TEKTL1: variants seen among roughly 807,000 people sequenced by gnomAD.
TEKTL1 encodes tektin-like protein 1.
the TEKTL1 span, among the ~76,000 whole-genome samples, chr19:15,012,595 G>A: frequency 3.3e-5 from 5 of 152,064 alleles, no homozygotes; most frequent in African/African-American, 1.2e-4. Flanking sequence ...ACAGGCCCAG[G>A]AAGAGATGCC....
the TEKTL1 span, chr19:15,023,000 GTGCGCC>G: frequency 5.0e-6 from 8 of 1,612,952 alleles, no homozygotes; most frequent in Non-Finnish European, 6.8e-6. Flanking sequence ...CGGCAACGTG[GTGCGCC>G]TGCGCCTGCG....
the TEKTL1 span, chr19:15,020,605 C>A: frequency 6.2e-7 from 1 of 1,614,124 alleles, no homozygotes; most frequent in Non-Finnish European, 8.5e-7. Context: ...CCCCACTCCA[C>A]GCACACAGGG....
chr19:15,023,206 C>G, the TEKTL1 span: 1 of 1,221,048 alleles, frequency 8.2e-7, no homozygotes, highest in South Asian at 1.5e-5. Flanking sequence ...CCCTCCCTCT[C>G]CCCTGACGCA....
At chr19:15,011,426 C>CT in the TEKTL1 span, 12 of 1,399,404 alleles carry the variant, frequency 8.6e-6, no homozygotes, top group African/African-American at 1.8e-4. Flanking sequence ...CAACCCCAGC[C>CT]TAACTGCAAA....
chr19:15,021,774 T>C, the TEKTL1 span: 57 of 1,611,718 alleles, frequency 3.5e-5, no homozygotes, highest in Non-Finnish European at 4.6e-5. Context: ...GGAGGCTGGG[T>C]TTCAATGCGC....
the TEKTL1 span, chr19:15,011,452 T>C: frequency 7.5e-7 from 1 of 1,338,750 alleles, no homozygotes; most frequent in Non-Finnish European, 9.7e-7. Context: ...AGGCCTCCGC[T>C]ATGCGGTGTC....
At chr19:15,022,572 G>A in the TEKTL1 span, among the ~76,000 whole-genome samples, 3 of 151,872 alleles carry the variant, frequency 2.0e-5, no homozygotes, top group Admixed American at 2.0e-4. Context: ...CAGGTGATCC[G>A]CCCGCCTCGG....
chr19:15,011,693 CATTGCACTCCAG>C, the TEKTL1 span, among the ~76,000 whole-genome samples: 1 of 147,062 alleles, frequency 6.8e-6, no homozygotes, highest in African/African-American at 2.5e-5. Context: ...GAGATCGTGC[CATTGCACTCCAG>C]CCTGGGCAAC....
the TEKTL1 span, among the ~76,000 whole-genome samples, chr19:15,018,715 A>ATATATATATATATATATAT: frequency 2.8e-4 from 19 of 68,294 alleles, no homozygotes; most frequent in East Asian, 7.8e-4. Flanking sequence ...CCTATCTCAA[A>ATATATATATATATATATAT]ATATGTATAT....
chr19:15,013,934 G>A, the TEKTL1 span, among the ~76,000 whole-genome samples: 641 of 152,208 alleles, frequency 4.2e-3, 3 homozygotes, highest in South Asian at 0.015. Flanking sequence ...TGGAAAAAGG[G>A]AGGTCATGGG....
At chr19:15,018,715 A>AAAATATAT in the TEKTL1 span, among the ~76,000 whole-genome samples, 2 of 68,252 alleles carry the variant, frequency 2.9e-5, no homozygotes, top group African/African-American at 8.4e-5. Flanking sequence ...CCTATCTCAA[A>AAAATATAT]ATATGTATAT....
chr19:15,010,867 A>C, the TEKTL1 span: 1 of 1,555,466 alleles, frequency 6.4e-7, no homozygotes, highest in Non-Finnish European at 8.7e-7. Flanking sequence ...GCCAGGACAC[A>C]CGCGTTGGGG....
chr19:15,015,188 G>A, the TEKTL1 span, among the ~76,000 whole-genome samples: 1 of 152,256 alleles, frequency 6.6e-6, no homozygotes. Flanking sequence ...CCCTGTCTCT[G>A]TGAGAGTGAG....
the TEKTL1 span, among the ~76,000 whole-genome samples, chr19:15,017,359 A>T: frequency 6.7e-6 from 1 of 150,106 alleles, no homozygotes; most frequent in Non-Finnish European, 1.5e-5. Flanking sequence ...CTTGATGGAG[A>T]GTGTTTATAA....
At chr19:15,011,623 A>G in the TEKTL1 span, among the ~76,000 whole-genome samples, 6 of 151,934 alleles carry the variant, frequency 3.9e-5, no homozygotes, top group Admixed American at 3.3e-4. Context: ...AATCTCAGCT[A>G]CTTGGGAGGC....
chr19:15,013,598 C>T, the TEKTL1 span: 11 of 1,171,618 alleles, frequency 9.4e-6, no homozygotes, highest in African/African-American at 1.7e-4. Flanking sequence ...GGCAAACCCT[C>T]TACCACCCTG....
At chr19:15,021,344 C>T in the TEKTL1 span, 2 of 1,613,274 alleles carry the variant, frequency 1.2e-6, no homozygotes, top group African/African-American at 1.3e-5. Flanking sequence ...GCATCCTGGG[C>T]ATTTGCAGCG....
the TEKTL1 span, among the ~76,000 whole-genome samples, chr19:15,016,350 C>T: frequency 6.6e-6 from 1 of 151,924 alleles, no homozygotes; most frequent in Non-Finnish European, 1.5e-5. Flanking sequence ...CCAGCACACC[C>T]GGCTAATTTT....
At chr19:15,021,888 C>T in the TEKTL1 span, 2 of 1,613,988 alleles carry the variant, frequency 1.2e-6, no homozygotes, top group African/African-American at 2.7e-5. Flanking sequence ...CACGTGGGCA[C>T]CCAACTCCCG....
Sources: gnomAD v4.1 joint callset for allele counts (sites outside exome capture counted in the v4.1 genomes callset) on GRCh38, gnomAD v4.1.1 for gene constraint, MANE v1.5 for transcripts, NCBI Gene and HGNC (gene_info 2026-07-23, HGNC 2026-07-21) for gene names.